The following DLK2 variants were observed in gnomAD, a reference collection of about 807,000 sequenced individuals.
The protein encoded by DLK2 is delta like non-canonical Notch ligand 2, also known as protein delta homolog 2.
DLK2 carries 9 observed loss-of-function variants against 31.3 expected under a neutral mutation model. That is an observed-to-expected ratio of 0.29 (90% CI 0.17 to 0.50). The LOEUF (loss-of-function observed/expected upper bound fraction) is 0.50, where lower values mean the gene tolerates loss of function less well. Among genes scored for constraint, DLK2 ranks in the 20% least tolerant of loss-of-function variants. DLK2 has a pLI of 0.98. For synonymous variants in DLK2, 169 were observed against 201.2 expected (o/e 0.84, Z 1.35); for missense variants, 387 against 526.1 (o/e 0.74, Z 2.59).
At chr6:43,455,549 G>T (rs1419548833), upstream of DLK2, 28 of 150,852 alleles carry the variant, frequency 1.9e-4, no homozygotes, top group African/African-American at 6.8e-4. Context: ...TCGGGAATCT[G>T]GGGCTCCAGG....
Position 43,451,842 on chromosome 6 carries a change from T to C in DLK2, c.416+98A>G. 1.3e-6 allele frequency: 2 copies of C among 1,512,278 alleles called. No individual in the cohort carries two copies. Among genetic ancestry groups the C allele is most frequent in the Non-Finnish European group, 8.9e-7 (1 of 1,129,830 alleles). The allele number at this position is 1,512,278 out of a possible 1,614,324, so 93.7% of individuals were successfully genotyped here. Reference sequence around the variant, plus strand: ...CTGAGTGTCCCCGTGTGGGTCTGACTCTCAGTCCCCCACCCTCCCAACAGT... The same window carrying C: ...CTGAGTGTCCCCGTGTGGGTCTGACCCTCAGTCCCCCACCCTCCCAACAGT... On this transcript the variant is annotated intron_variant, in intron 5 of 5. Transcript: ENST00000372488. The surrounding 1 kb of genome is among the most constrained non-coding windows in gnomAD (Gnocchi z 4.4).
Position 43,450,657 on chromosome 6 carries a change from G to A in DLK2, c.1034C>T (p.Pro345Leu). 1.2e-6 allele frequency: 2 copies of A among 1,613,898 alleles called. No homozygotes were observed. Among genetic ancestry groups the A allele is most frequent in the Non-Finnish European group, 1.7e-6 (2 of 1,179,910 alleles). The change falls in exon 6 of 6, where the codon CCT becomes CTT. Residue 345 changes from proline to leucine, a missense_variant. Coordinates refer to ENST00000372488, the MANE Select transcript of DLK2 (RefSeq NM_023932.4). The surrounding 1 kb of genome is among the most constrained non-coding windows in gnomAD (Gnocchi z 4.5). ...GVCPPGPCCY[P>L]APHYAPACQD... ...GCACGCTGGAGCATAGTGTGGGGCA[G>A]GGTAGCAACAGGGTCCAGGGGGGCA...
In DLK2 at chr6:43,452,029, A is replaced by T; in HGVS notation, c.327T>A (p.Tyr109Ter). Residue 109 changes from tyrosine (Y) to a stop codon, truncating the protein, a stop_gained, in exon 5 of 6, where the codon TAT becomes TAA. Transcript: ENST00000372488. LOFTEE classifies it high-confidence loss of function. ...SPCQNGGQCMYDGGGEYHCVC... is the reference protein window; with the variant it reads ...SPCQNGGQCM ...CACAATGGTACTCACCGCCCCCGTC[A>T]TACATGCACTGGCCTCCATTCTGGC... 1 of 1,614,222 alleles carries T rather than the reference A, an allele frequency of 6.2e-7. No homozygotes were observed. Among genetic ancestry groups the T allele is most frequent in the Non-Finnish European group, 8.5e-7 (1 of 1,180,044 alleles).
rs1025551177 is a variant in DLK2 at position 43,455,124 on chromosome 6, C to T, written c.-55-244G>A. ...GGGCATCGCGGAGCGAGGCCAGGCG[C>T]GGGAATGGCTGGGGTTGGGATCGTA... On this transcript the variant is annotated intron_variant, in intron 1 of 5. Transcript: ENST00000372488. 3.1e-6 allele frequency: 3 copies of T among 981,356 alleles called. No homozygotes were observed. The African/African-American group carries it at 5.3e-5, about 17-fold the overall frequency. The allele number at this position is 981,356 out of a possible 1,614,324, so 60.8% of individuals were successfully genotyped here.
Position 43,451,383 on chromosome 6 carries a change from C to T in DLK2, c.417-109G>A. On this transcript the variant is annotated intron_variant, in intron 5 of 5. Coordinates refer to ENST00000372488, the MANE Select transcript of DLK2 (RefSeq NM_023932.4). This position sits in a 1 kb window ranked among gnomAD's most constrained non-coding sequence, Gnocchi z 4.4. The stretch of plus-strand genomic sequence containing the variant: ...GCCATGTCATCTTGGGCTACACACT[C>T]CGAGCCTCAAATACCTCATTTTAAA... The T allele has an allele frequency of 1.5e-6, 2 of 1,364,944 alleles. No individual in the cohort carries two copies. Among genetic ancestry groups the T allele is most frequent in the Admixed American group, 2.6e-5 (1 of 38,068 alleles). The allele number at this position is 1,364,944 out of a possible 1,614,324, so 84.6% of individuals were successfully genotyped here.
rs770439098 is a variant in DLK2 at position 43,454,481 on chromosome 6, G to C, written c.77-7C>G. ...TGGGAGCTGCAGTCATCGGCTGCAA[G>C]AGATTGATGTGGGAGGGGTGAGTCT... On this transcript the variant is annotated splice_region_variant and splice_polypyrimidine_tract_variant and intron_variant, in intron 2 of 5. Coordinates refer to ENST00000372488, the MANE Select transcript of DLK2 (RefSeq NM_023932.4). 1 of 1,587,666 alleles carries C rather than the reference G, an allele frequency of 6.3e-7. No homozygotes were observed. Among genetic ancestry groups the C allele is most frequent in the Non-Finnish European group, 8.6e-7 (1 of 1,168,318 alleles).
rs1783864000 is a variant in DLK2 at position 43,453,681 on chromosome 6, A to G, written c.141-546T>C. ...TGGTGGTGTGCATCTGTAATCCATT[A>G]TTGAGGAGGCTGAGGCAGGGGAACT... is the stretch of plus-strand genomic sequence containing the variant. On this transcript the variant is annotated intron_variant, in intron 3 of 5. Transcript: ENST00000372488. The surrounding 1 kb of genome is among the most constrained non-coding windows in gnomAD (Gnocchi z 4.1). Among the ~76,000 whole-genome samples the G allele has an allele frequency of 6.6e-6, 1 of 152,142 alleles. No individual in the cohort carries two copies. The highest frequency in any genetic ancestry group is 6.6e-5 in the Admixed American group (1 of 15,266).
rs1274410040 is a variant in DLK2 at position 43,454,949 on chromosome 6, A to G, written c.-55-69T>C. 5.5e-6 allele frequency: 8 copies of G among 1,464,344 alleles called. 1 individual carries two copies. Among genetic ancestry groups the G allele is most frequent in the South Asian group, 3.9e-5 (3 of 76,176 alleles). 90.7% of individuals were successfully genotyped at this position (1,464,344 alleles called of 1,614,324 possible). On this transcript the variant is annotated intron_variant, in intron 1 of 5. Transcript: ENST00000372488. ...GCGGCACGGATACGGGTTCCAAGTG[A>G]CAGGAGCCGACGAGGGAGAGGGGCG...
chr6:43,453,402 T>C lies in DLK2; in HGVS notation c.141-267A>G, dbSNP rs955293660. On this transcript the variant is annotated intron_variant, in intron 3 of 5. Transcript: ENST00000372488. This position sits in a 1 kb window ranked among gnomAD's most constrained non-coding sequence, Gnocchi z 4.1. ...TAAATTGGGGATACACCTTGCAGGG[T>C]TGAGTAGAGGAAGAAATAAGATGTC... 6.6e-6 allele frequency among the ~76,000 whole-genome samples: 1 copy of C among 152,110 alleles called. No homozygotes were observed. The highest frequency in any genetic ancestry group is 1.5e-5 in the Non-Finnish European group (1 of 68,034).
chr6:43,451,819 G>A lies in DLK2; in HGVS notation c.416+121C>T. The A allele has an allele frequency of 6.9e-7, 1 of 1,453,484 alleles. No individual in the cohort carries two copies. The highest frequency in any genetic ancestry group is 2.5e-5 in the East Asian group (1 of 40,618). The allele number at this position is 1,453,484 out of a possible 1,614,324, so 90.0% of individuals were successfully genotyped here. ...ACTTTGGCATGCAGGGGTTTTATCT[G>A]AGTGTCCCCGTGTGGGTCTGACTCT... On this transcript the variant is annotated intron_variant, in intron 5 of 5. Coordinates refer to ENST00000372488, the MANE Select transcript of DLK2 (RefSeq NM_023932.4). This position sits in a 1 kb window ranked among gnomAD's most constrained non-coding sequence, Gnocchi z 4.4.
At chr6:43,452,945 A>G (rs962602772) in intron 4 of DLK2, 60 bp downstream of exon 4, 2 of 1,603,540 alleles carry the variant, frequency 1.2e-6, no homozygotes, top group African/African-American at 2.7e-5. Context: ...ATAAATACTG[A>G]TGGCTGTTCC....
rs1214748 is a variant in DLK2, at chr6:43,450,953, G to A, written c.738C>T (p.Thr246=). Residue 246 remains threonine, a synonymous_variant, in exon 6 of 6, where the codon ACC becomes ACT. Transcript: ENST00000372488. The surrounding 1 kb of genome is among the most constrained non-coding windows in gnomAD (Gnocchi z 4.5). ...CLCPSGYGGK[T]CELVLPVPDP... is the part of the protein sequence containing the mutation. ...CTGGGACAGGTAAGACAAGCTCACA[G>A]GTCTTGCCACCATAGCCACTGGGGC... 476,001 of 1,613,984 alleles carry A rather than the reference G, an allele frequency of 0.29. 73,717 individuals are homozygous for A. Among genetic ancestry groups the A allele is most frequent in the African/African-American group, 0.51 (37,944 of 74,954 alleles).
chr6:43,453,393 C>T lies in DLK2; in HGVS notation c.141-258G>A, dbSNP rs1376279727. On this transcript the variant is annotated intron_variant, in intron 3 of 5. Transcript: ENST00000372488. The surrounding 1 kb of genome is among the most constrained non-coding windows in gnomAD (Gnocchi z 4.1). ...TCTCACCTGTAAATTGGGGATACAC[C>T]TTGCAGGGTTGAGTAGAGGAAGAAA... Among the ~76,000 whole-genome samples, 1 of 152,204 alleles carries T rather than the reference C, an allele frequency of 6.6e-6. No individual in the cohort carries two copies. The highest frequency in any genetic ancestry group is 2.4e-5 in the African/African-American group (1 of 41,436).
Position 43,450,551 on chromosome 6 carries a change from G to A in DLK2, c.1140C>T (p.Thr380=). ...GCCCCCACCTCCATCACAGTGCTGT[G>A]GTCTTTCCAGGCTCAGGGGGCAAGT... ...PRDLPPEPGK[T]TAL is the part of the protein sequence containing the mutation. The change falls in exon 6 of 6, where the codon ACC becomes ACT. Residue 380 remains threonine, a synonymous_variant. Coordinates refer to ENST00000372488, the MANE Select transcript of DLK2 (RefSeq NM_023932.4). The surrounding 1 kb of genome is among the most constrained non-coding windows in gnomAD (Gnocchi z 4.5). The A allele has an allele frequency of 2.6e-6, 4 of 1,563,326 alleles. No homozygotes were observed. The highest frequency in any genetic ancestry group is 3.5e-6 in the Non-Finnish European group (4 of 1,153,022).
upstream of DLK2, chr6:43,455,606 C>G (rs1334685975): frequency 1.3e-5 from 2 of 148,608 alleles, no homozygotes; most frequent in Admixed American, 1.3e-4. Context: ...CGCTCAGGCC[C>G]CCTGCCAGGG....
In DLK2 at chr6:43,450,606, A is replaced by G; in HGVS notation, c.1085T>C (p.Met362Thr). Reference protein sequence around the residue: ...ACQDQECQVSMLPAGLPLPRD... With the variant: ...ACQDQECQVSTLPAGLPLPRD... ...TGGCAGGGGGAGCCCTGCTGGCAGC[A>G]TGCTAACCTGACACTCCTGGTCCTG... Residue 362 changes from methionine (M) to threonine (T), a missense_variant, in exon 6 of 6, where the codon ATG becomes ACG. Transcript: ENST00000372488. This position sits in a 1 kb window ranked among gnomAD's most constrained non-coding sequence, Gnocchi z 4.5. 1 of 1,605,188 alleles carries G rather than the reference A, an allele frequency of 6.2e-7. No homozygotes were observed. The highest frequency in any genetic ancestry group is 1.1e-5 in the South Asian group (1 of 89,966).
intron 3 of DLK2, among the ~76,000 whole-genome samples, chr6:43,454,036 T>C (rs1045995094): frequency 1.3e-5 from 2 of 152,194 alleles, no homozygotes; most frequent in Middle Eastern, 3.2e-3. Context: ...TCCTCTTTCA[T>C]TGTAAGTGTT....
At chr6:43,455,816 C>T (rs568705628), upstream of DLK2, among the ~76,000 whole-genome samples, 1 of 152,262 alleles carries the variant, frequency 6.6e-6, no homozygotes, top group East Asian at 1.9e-4. Context: ...ATTCTCTCAT[C>T]TCCCATGCCC....
chr6:43,450,636 G>A lies in DLK2; in HGVS notation c.1055C>T (p.Ala352Val), dbSNP rs767321470. Residue 352 changes from alanine to valine, a missense_variant, in exon 6 of 6, where the codon GCG (alanine) becomes GTG (valine). Ala to Val is a moderately conservative substitution (Grantham distance 64). Coordinates refer to ENST00000372488, the MANE Select transcript of DLK2 (RefSeq NM_023932.4). The surrounding 1 kb of genome is among the most constrained non-coding windows in gnomAD (Gnocchi z 4.5). Reference sequence around the variant, plus strand: ...AACCTGACACTCCTGGTCCTGGCACGCTGGAGCATAGTGTGGGGCAGGGTA... The same window carrying A: ...AACCTGACACTCCTGGTCCTGGCACACTGGAGCATAGTGTGGGGCAGGGTA... ...CCYPAPHYAP[A>V]CQDQECQVSM... 3.1e-6 allele frequency: 5 copies of A among 1,613,104 alleles called. No individual in the cohort carries two copies. Among genetic ancestry groups the A allele is most frequent in the Non-Finnish European group, 2.5e-6 (3 of 1,179,486 alleles).
Sources: gnomAD v4.1 joint callset for allele counts (sites outside exome capture counted in the v4.1 genomes callset) on GRCh38, gnomAD v4.1.1 for gene constraint, Gnocchi (gnomAD v3.1) non-coding constraint, MANE v1.5 for transcripts, NCBI Gene and HGNC (gene_info 2026-07-23, HGNC 2026-07-21) for gene names.